KCNQ3: variants seen among roughly 807,000 people sequenced by gnomAD.
KCNQ3 encodes the protein potassium voltage-gated channel subfamily Q member 3, also known as potassium voltage-gated channel subfamily KQT member 3.
In KCNQ3, 30 loss-of-function variants were observed where a neutral mutation model predicts 92.5. That is an observed-to-expected ratio of 0.32 (90% CI 0.24 to 0.44). KCNQ3 has a LOEUF of 0.44. Ranked by LOEUF, KCNQ3 falls within the 20% of genes least tolerant of loss-of-function variation. The pLI, the probability that KCNQ3 is intolerant of heterozygous loss-of-function variation, is 1.00. For synonymous variants in KCNQ3, 450 were observed against 468.8 expected (o/e 0.96, Z 0.52); for missense variants, 913 against 1,140.3 (o/e 0.80, Z 2.87).
intron 1 of KCNQ3, among the ~76,000 whole-genome samples, chr8:132,464,262 A>C (rs1007534766): frequency 6.6e-6 from 1 of 152,210 alleles, no homozygotes; most frequent in African/African-American, 2.4e-5. Context: ...AAACAGGTCT[A>C]GGCTGGTTAA....
At chr8:132,290,061 A>G (rs1020434086) in intron 1 of KCNQ3, among the ~76,000 whole-genome samples, 1 of 152,230 alleles carries the variant, frequency 6.6e-6, no homozygotes, top group Non-Finnish European at 1.5e-5. Context: ...TTTAGCTGAT[A>G]TCCACTAATG....
chr8:132,359,355 G>T (rs971255771), intron 1 of KCNQ3, among the ~76,000 whole-genome samples: 2 of 152,154 alleles, frequency 1.3e-5, no homozygotes, highest in African/African-American at 4.8e-5. Context: ...GCATGGATTG[G>T]CATGAGGCTC....
At chr8:132,423,247 A>T (rs1161739618) in intron 1 of KCNQ3, among the ~76,000 whole-genome samples, 1 of 152,212 alleles carries the variant, frequency 6.6e-6, no homozygotes, top group Non-Finnish European at 1.5e-5. Flanking sequence ...GACCAAAGGG[A>T]ACCATTTCTG....
intron 1 of KCNQ3, among the ~76,000 whole-genome samples, chr8:132,269,941 T>G (rs1467039793): frequency 3.9e-5 from 6 of 152,214 alleles, no homozygotes; most frequent in Non-Finnish European, 7.3e-5. Context: ...GGCAAAAGGA[T>G]GCAGATCCCA....
At chr8:132,470,122 C>T (rs571200532) in intron 1 of KCNQ3, among the ~76,000 whole-genome samples, 157 of 152,202 alleles carry the variant, frequency 1.0e-3, no homozygotes, top group South Asian at 4.6e-3. Flanking sequence ...TCTCCCTCAA[C>T]AGCCTGGCAC....
At chr8:132,425,724 G>A (rs117997738) in intron 1 of KCNQ3, among the ~76,000 whole-genome samples, 3,071 of 152,220 alleles carry the variant, frequency 0.02, 39 homozygotes, top group Non-Finnish European at 0.032. Context: ...AAGATCCTCC[G>A]GCAGCATGAA....
chr8:132,397,537 G>GTAGA (rs1041400052), intron 1 of KCNQ3, among the ~76,000 whole-genome samples: 4 of 152,208 alleles, frequency 2.6e-5, no homozygotes, highest in Admixed American at 2.0e-4. Flanking sequence ...TGGGTACAAA[G>GTAGA]TAGATGCTCA....
At chr8:132,333,826 C>T (rs938558682) in intron 1 of KCNQ3, among the ~76,000 whole-genome samples, 4 of 151,800 alleles carry the variant, frequency 2.6e-5, no homozygotes, top group South Asian at 4.2e-4. Flanking sequence ...CTCCGGTTCC[C>T]GAGTTCAAGT....
chr8:132,234,957 G>T lies in KCNQ3; in HGVS notation c.387-48776C>A, dbSNP rs1277320230. ...TAAATCACATTCCGTGGTGATGGTT[G>T]CCCAACCTTATGAATATATTCAAAA... On this transcript the variant is annotated intron_variant, in intron 1 of 14. Transcript: ENST00000388996. Among the ~76,000 whole-genome samples, 6 of 152,164 alleles carry T rather than the reference G, an allele frequency of 3.9e-5. 1 individual carries two copies. Among genetic ancestry groups the T allele is most frequent in the Admixed American group, 3.9e-4 (6 of 15,284 alleles).
At chr8:132,385,363 G>C (rs1365105757) in intron 1 of KCNQ3, among the ~76,000 whole-genome samples, 1 of 152,182 alleles carries the variant, frequency 6.6e-6, no homozygotes, top group African/African-American at 2.4e-5. Context: ...GTGCTTTCTG[G>C]GGAGCCTAAC....
At chr8:132,184,463 T>A in intron 2 of KCNQ3, 96 bp from the exon 3 acceptor site, 19 of 1,408,410 alleles carry the variant, frequency 1.3e-5, no homozygotes, top group Non-Finnish European at 1.9e-5. Context: ...AACTCCATTT[T>A]GTGCTGTTGC....
intron 1 of KCNQ3, among the ~76,000 whole-genome samples, chr8:132,224,609 G>T (rs935254535): frequency 7.2e-5 from 11 of 152,110 alleles, no homozygotes; most frequent in Non-Finnish European, 1.5e-4. Flanking sequence ...ACATTTTGCA[G>T]TACTCTCTAT....
At chr8:132,417,678 C>CCATT (rs59884171) in intron 1 of KCNQ3, among the ~76,000 whole-genome samples, 70 of 151,984 alleles carry the variant, frequency 4.6e-4, no homozygotes, top group East Asian at 1.4e-3. Context: ...ATCCATCCAT[C>CCATT]CATTCATTCA....
Position 132,122,263 on chromosome 8 carries a change from A to T in KCNQ3, c.*6999T>A, listed in dbSNP as rs139557224. 1 of 152,326 alleles carries T rather than the reference A, an allele frequency of 6.6e-6. No individual in the cohort carries two copies. The highest frequency in any genetic ancestry group is 1.9e-4 in the East Asian group (1 of 5,180). 9.4% of individuals were successfully genotyped at this position (152,326 alleles called of 1,614,324 possible). A position where few individuals can be genotyped will look rare whatever the true frequency, so the allele number is the denominator to read the frequency against. On this transcript the variant is annotated 3_prime_UTR_variant, in exon 15 of 15. Transcript: ENST00000388996. ...ATGGGGTTGCGATGAGGATTGCATG[A>T]ACTTTAGAGAGAGCTATCATGTCAC...
intron 1 of KCNQ3, among the ~76,000 whole-genome samples, chr8:132,202,780 T>C (rs1017643748): frequency 3.9e-5 from 6 of 152,070 alleles, no homozygotes; most frequent in Non-Finnish European, 7.4e-5. Context: ...GCCTCCCGGG[T>C]TCAAGCAATT....
rs944857936 is a variant in KCNQ3 at position 132,122,073 on chromosome 8, G to C, written c.*7189C>G. ...CGTAGAAGCCCGAAGCATTGTGGAG[G>C]AGCTAGGGCCTGATTTGAGAGGAAG... On this transcript the variant is annotated 3_prime_UTR_variant, in exon 15 of 15. Transcript: ENST00000388996. 6.6e-6 allele frequency: 1 copy of C among 152,208 alleles called. No individual in the cohort carries two copies. Among genetic ancestry groups the C allele is most frequent in the Non-Finnish European group, 1.5e-5 (1 of 68,054 alleles). The allele number at this position is 152,208 out of a possible 1,614,324, so 9.4% of individuals were successfully genotyped here. A position where few individuals can be genotyped will look rare whatever the true frequency, so the allele number is the denominator to read the frequency against.
At chr8:132,348,087 T>C (rs1162140120) in intron 1 of KCNQ3, among the ~76,000 whole-genome samples, 1 of 152,086 alleles carries the variant, frequency 6.6e-6, no homozygotes, top group Non-Finnish European at 1.5e-5. Flanking sequence ...TGAGTCTCTA[T>C]TGCATTTCCT....
chr8:132,478,838 A>C (rs1372183499), intron 1 of KCNQ3, among the ~76,000 whole-genome samples: 2 of 152,140 alleles, frequency 1.3e-5, no homozygotes, highest in African/African-American at 2.4e-5. Flanking sequence ...CGAACCTAGA[A>C]AAACGTCTCT....
intron 1 of KCNQ3, among the ~76,000 whole-genome samples, chr8:132,294,087 G>A (rs568511793): frequency 8.5e-5 from 12 of 140,536 alleles, no homozygotes; most frequent in Admixed American, 3.9e-4. Context: ...TGCAACCTCC[G>A]CCTCCCGGGT....
Sources: gnomAD v4.1 joint callset for allele counts (sites outside exome capture counted in the v4.1 genomes callset) on GRCh38, gnomAD v4.1.1 for gene constraint, MANE v1.5 for transcripts, NCBI Gene and HGNC (gene_info 2026-07-23, HGNC 2026-07-21) for gene names.